TMEM178B: variants seen among roughly 807,000 people sequenced by gnomAD.
The protein encoded by TMEM178B is transmembrane protein 178B.
In TMEM178B, 5 loss-of-function variants were observed where a neutral mutation model predicts 31.0. That is an observed-to-expected ratio of 0.16 (90% CI 0.08 to 0.34). TMEM178B has a LOEUF of 0.34. Among genes scored for constraint, TMEM178B ranks in the 10% least tolerant of loss-of-function variants. TMEM178B has a pLI of 1.00. For synonymous variants in TMEM178B, 164 were observed against 164.0 expected (o/e 1.00, Z 0.00); for missense variants, 275 against 400.3 (o/e 0.69, Z 2.67).
chr7:141,248,960 C>T (rs747922117), intron 2 of TMEM178B, among the ~76,000 whole-genome samples: 20 of 152,166 alleles, frequency 1.3e-4, no homozygotes, highest in Admixed American at 3.9e-4. Context: ...TATTTTGTTG[C>T]GTGCTCAGAG....
At chr7:141,255,156 T>C (rs1327356782) in intron 2 of TMEM178B, among the ~76,000 whole-genome samples, 4 of 152,194 alleles carry the variant, frequency 2.6e-5, no homozygotes, top group Non-Finnish European at 5.9e-5. Context: ...GTCTGCCTAT[T>C]TTTCTCATTT....
rs368893301 is a variant in TMEM178B, at chr7:141,179,883, A to G, written c.383-32708A>G. On this transcript the variant is annotated intron_variant, in intron 1 of 3. Coordinates refer to ENST00000565468, the MANE Select transcript of TMEM178B (RefSeq NM_001195278.2). ...ACTCTCCCTTCTGTAGCCTTCTCCC[A>G]CAACTCCTCTGTCTCTCCTGGCCTC... is the stretch of plus-strand genomic sequence containing the variant. Among the ~76,000 whole-genome samples the G allele has an allele frequency of 3.9e-5, 6 of 152,310 alleles. No homozygotes were observed. The East Asian group carries it at 5.8e-4, about 15-fold the overall frequency.
intron 2 of TMEM178B, among the ~76,000 whole-genome samples, chr7:141,338,143 A>T (rs1799457314): frequency 6.6e-6 from 1 of 152,128 alleles, no homozygotes; most frequent in Non-Finnish European, 1.5e-5. Context: ...GGCCGATTTG[A>T]TATTTTTTAA....
At chr7:141,500,146 G>C in the TMEM178B span, among the ~76,000 whole-genome samples, 4 of 152,100 alleles carry the variant, frequency 2.6e-5, no homozygotes, top group African/African-American at 9.7e-5. Flanking sequence ...GGAGTTTCTT[G>C]TTACTATTTA....
rs916557842 is a variant in TMEM178B, at chr7:141,344,574, C to T, written c.497-93034C>T. Among the ~76,000 whole-genome samples, 11 of 137,318 alleles carry T rather than the reference C, an allele frequency of 8.0e-5. No homozygotes were observed. Among genetic ancestry groups the T allele is most frequent in the African/African-American group, 8.3e-5 (3 of 36,154 alleles). The allele number at this position is 137,318 out of a possible 152,430, so 90.1% of individuals were successfully genotyped here. On this transcript the variant is annotated intron_variant, in intron 2 of 3. Transcript: ENST00000565468. The surrounding 1 kb of genome is among the most constrained non-coding windows in gnomAD (Gnocchi z 4.1). ...CTCCCTCCCTCCATTCCTCCCTCCT[C>T]CCTTCCTTCCTTCCTTCCTTCCTTC...
intron 1 of TMEM178B, among the ~76,000 whole-genome samples, chr7:141,105,070 A>G (rs1795119742): frequency 6.6e-6 from 1 of 152,134 alleles, no homozygotes; most frequent in South Asian, 2.1e-4. Context: ...GTGGCCTTTC[A>G]TCCCAAAGTT....
intron 1 of TMEM178B, among the ~76,000 whole-genome samples, chr7:141,082,945 C>A (rs1354632263): frequency 6.6e-6 from 1 of 152,142 alleles, no homozygotes; most frequent in Non-Finnish European, 1.5e-5. Context: ...TATTCTTTTA[C>A]TGTAGGGTCA....
intron 3 of TMEM178B, among the ~76,000 whole-genome samples, chr7:141,458,845 C>T (rs959613116): frequency 6.6e-6 from 1 of 152,210 alleles, no homozygotes. Context: ...AAGGTGTGTA[C>T]GTGCATGGGT....
At chr7:141,264,461 G>A (rs982874341) in intron 2 of TMEM178B, among the ~76,000 whole-genome samples, 1 of 152,210 alleles carries the variant, frequency 6.6e-6, no homozygotes, top group Non-Finnish European at 1.5e-5. Flanking sequence ...GCAGTTGGCA[G>A]TCATGGAAAT....
At chr7:141,202,228 G>T (rs1367671476) in intron 1 of TMEM178B, among the ~76,000 whole-genome samples, 2 of 152,142 alleles carry the variant, frequency 1.3e-5, no homozygotes, top group Non-Finnish European at 2.9e-5. Flanking sequence ...GACCACAAAG[G>T]TGAAAAACAC....
chr7:141,175,609 C>T (rs913847120), intron 1 of TMEM178B, among the ~76,000 whole-genome samples: 1 of 152,092 alleles, frequency 6.6e-6, no homozygotes, highest in East Asian at 1.9e-4. Flanking sequence ...TAATGTTTTT[C>T]CATTTGTTTG....
At chr7:141,238,886 C>T (rs756367770) in intron 2 of TMEM178B, among the ~76,000 whole-genome samples, 4 of 152,206 alleles carry the variant, frequency 2.6e-5, no homozygotes, top group Non-Finnish European at 5.9e-5. Context: ...CAGCCTATAT[C>T]TTTGGACTCG....
At chr7:141,205,320 G>C (rs927076836) in intron 1 of TMEM178B, among the ~76,000 whole-genome samples, 1 of 152,150 alleles carries the variant, frequency 6.6e-6, no homozygotes, top group Non-Finnish European at 1.5e-5. Context: ...AAATACATTG[G>C]GCCATCACGT....
chr7:141,489,455 G>C, the TMEM178B span, among the ~76,000 whole-genome samples: 1 of 152,274 alleles, frequency 6.6e-6, no homozygotes, highest in African/African-American at 2.4e-5. Flanking sequence ...CATCATTAAA[G>C]TGCTGCTTTT....
At chr7:141,224,664 C>T (rs957571331) in intron 2 of TMEM178B, among the ~76,000 whole-genome samples, 2 of 152,182 alleles carry the variant, frequency 1.3e-5, no homozygotes, top group African/African-American at 4.8e-5. Context: ...CTGGGCCAGG[C>T]TGTCGCAGGC....
intron 2 of TMEM178B, among the ~76,000 whole-genome samples, chr7:141,429,308 T>TACAC (rs3039921): frequency 0.025 from 3,731 of 149,718 alleles, 86 homozygotes; most frequent in African/African-American, 0.048. Context: ...GAAAATGTAA[T>TACAC]ACACACACAC....
chr7:141,361,370 A>T lies in TMEM178B; in HGVS notation c.497-76238A>T, dbSNP rs181198328. Reference sequence around the variant, plus strand: ...CCTGTAAAACCAGTACTAAAAAAAAAATCTTTGAAATGGAAAAATCTTCAA... The same window carrying T: ...CCTGTAAAACCAGTACTAAAAAAAATATCTTTGAAATGGAAAAATCTTCAA... On this transcript the variant is annotated intron_variant, in intron 2 of 3. Coordinates refer to ENST00000565468, the MANE Select transcript of TMEM178B (RefSeq NM_001195278.2). 2.0e-5 allele frequency among the ~76,000 whole-genome samples: 3 copies of T among 152,312 alleles called. No individual in the cohort carries two copies. The East Asian group carries it at 5.8e-4, about 29-fold the overall frequency.
At position 141,472,623 on chromosome 7, in the gene TMEM178B, T is replaced by C. The variant is rs1489284270; in HGVS notation, c.*1837T>C. The C allele has an allele frequency of 6.6e-6, 1 of 152,204 alleles. No homozygotes were observed. The highest frequency in any genetic ancestry group is 1.9e-4 in the East Asian group (1 of 5,176). The allele number at this position is 152,204 out of a possible 1,614,324, so 9.4% of individuals were successfully genotyped here. Reference sequence around the variant, plus strand: ...AATCCCCTTGTTTCATAAACAAATATGCTTTGGGAGCTTTGCCAGGCACTC... The same window carrying C: ...AATCCCCTTGTTTCATAAACAAATACGCTTTGGGAGCTTTGCCAGGCACTC... On this transcript the variant is annotated 3_prime_UTR_variant, in exon 4 of 4. Coordinates refer to ENST00000565468, the MANE Select transcript of TMEM178B (RefSeq NM_001195278.2).
At chr7:141,123,928 T>A (rs769545951) in intron 1 of TMEM178B, among the ~76,000 whole-genome samples, 1 of 152,170 alleles carries the variant, frequency 6.6e-6, no homozygotes, top group African/African-American at 2.4e-5. Flanking sequence ...ATTTTTTTTG[T>A]ATTCTTTGTG....
Sources: allele counts gnomAD v4.1 joint callset (sites outside exome capture counted in the v4.1 genomes callset), GRCh38; gene constraint gnomAD v4.1.1; non-coding constraint Gnocchi (gnomAD v3.1); transcripts MANE v1.5; gene names NCBI Gene and HGNC (gene_info 2026-07-23, HGNC 2026-07-21).